Variants in RALGPS1 observed in about 807,000 individuals in gnomAD.
RALGPS1 encodes Ral GEF with PH domain and SH3 binding motif 1, also known as ras-specific guanine nucleotide-releasing factor RalGPS1.
RALGPS1 carries 19 observed loss-of-function variants against 78.8 expected under a neutral mutation model. The ratio of observed to expected loss-of-function variants is 0.24; its 90% CI spans 0.17 to 0.35. The LOEUF (loss-of-function observed/expected upper bound fraction) is 0.35, where lower values mean the gene tolerates loss of function less well. RALGPS1 is among the 10% of genes least tolerant of loss of function. The probability of loss-of-function intolerance (pLI) is 1.00; values close to 1 mark genes in which losing one functional copy is unlikely to be tolerated. For missense variants in RALGPS1, 454 were observed against 688.3 expected, an observed-to-expected ratio of 0.66 and a Z score of 3.81; for synonymous variants, 228 against 256.3, an observed-to-expected ratio of 0.89 and a Z score of 1.06.
intron 1 of RALGPS1, among the ~76,000 whole-genome samples, chr9:126,915,819 A>G (rs1010822089): frequency 6.7e-6 from 1 of 149,794 alleles, no homozygotes; most frequent in African/African-American, 2.5e-5. Flanking sequence ...TCGGTTGTTG[A>G]AAAATGTGTG....
chr9:127,182,641 C>T (rs2140185809), intron 11 of RALGPS1, among the ~76,000 whole-genome samples: 1 of 152,184 alleles, frequency 6.6e-6, no homozygotes, highest in African/African-American at 2.4e-5. Flanking sequence ...GTTGGCCAGG[C>T]TGCTCTTGAA....
intron 10 of RALGPS1, among the ~76,000 whole-genome samples, chr9:127,174,079 G>A (rs2059706962): frequency 6.6e-6 from 1 of 151,898 alleles, no homozygotes; most frequent in Non-Finnish European, 1.5e-5. Flanking sequence ...GGCCAACATG[G>A]TGGAACCCCG....
At chr9:126,977,049 A>G (rs913286974) in intron 3 of RALGPS1, among the ~76,000 whole-genome samples, 5 of 152,226 alleles carry the variant, frequency 3.3e-5, no homozygotes, top group Non-Finnish European at 7.3e-5. Flanking sequence ...CTTAAAATGT[A>G]TATAATGGAA....
At chr9:126,966,285 G>A (rs937052045) in intron 3 of RALGPS1, among the ~76,000 whole-genome samples, 1 of 152,186 alleles carries the variant, frequency 6.6e-6, no homozygotes, top group Non-Finnish European at 1.5e-5. Context: ...GTGGGAGGCT[G>A]AGGTAGGAGG....
intron 4 of RALGPS1, chr9:126,989,940 T>G (rs2042133452): frequency 6.4e-6 from 10 of 1,550,418 alleles, no homozygotes; most frequent in Non-Finnish European, 7.8e-6. Flanking sequence ...AGTCCACAGT[T>G]TCCTCCAGGC....
chr9:127,011,691 A>G (rs1030297728), intron 4 of RALGPS1, among the ~76,000 whole-genome samples: 7 of 152,246 alleles, frequency 4.6e-5, no homozygotes, highest in Admixed American at 4.6e-4. Context: ...TCACCCTAAG[A>G]AATTTAAAAA....
chr9:127,135,712 A>G (rs1400555570), intron 8 of RALGPS1, among the ~76,000 whole-genome samples: 1 of 152,176 alleles, frequency 6.6e-6, no homozygotes, highest in Non-Finnish European at 1.5e-5. Flanking sequence ...GAGTCTGTGA[A>G]GGCGGTAGGG....
intron 2 of RALGPS1, among the ~76,000 whole-genome samples, 180 bp from the exon 3 acceptor site, chr9:126,965,662 TAA>T (rs2039412590): frequency 6.6e-6 from 1 of 152,208 alleles, no homozygotes; most frequent in Admixed American, 6.5e-5. Flanking sequence ...GAGAAGGAAA[TAA>T]GATCATACAC....
intron 4 of RALGPS1, among the ~76,000 whole-genome samples, chr9:127,023,754 G>A (rs2134254032): frequency 6.6e-6 from 1 of 152,272 alleles, no homozygotes; most frequent in Non-Finnish European, 1.5e-5. Flanking sequence ...ACAGAAACAG[G>A]GCTGGGCGCG....
rs200901476 is a variant in RALGPS1 at position 127,212,586 on chromosome 9, C to G, written c.1354-41C>G. On this transcript the variant is annotated intron_variant, in intron 15 of 18. Coordinates refer to ENST00000259351, the MANE Select transcript of RALGPS1 (RefSeq NM_014636.3). The surrounding 1 kb of genome is among the most constrained non-coding windows in gnomAD (Gnocchi z 6.0). ...ATCGGCCAGGGATCCTCTACCCCCA[C>G]GACCCCTGGTGGCATCACTCAGCCT... 11 of 1,434,134 alleles carry G rather than the reference C, an allele frequency of 7.7e-6. No homozygotes were observed. Among genetic ancestry groups the G allele is most frequent in the Non-Finnish European group, 9.7e-6 (10 of 1,028,812 alleles). 88.8% of individuals were successfully genotyped at this position (1,434,134 alleles called of 1,614,324 possible).
chr9:127,146,198 G>A (rs1368517946), intron 8 of RALGPS1, among the ~76,000 whole-genome samples: 1 of 152,162 alleles, frequency 6.6e-6, no homozygotes, highest in Non-Finnish European at 1.5e-5. Flanking sequence ...CTACCTAATA[G>A]GTAGTTTTTC....
chr9:127,029,066 A>G (rs1589107421), intron 4 of RALGPS1, among the ~76,000 whole-genome samples: 1 of 151,974 alleles, frequency 6.6e-6, no homozygotes, highest in East Asian at 1.9e-4. Context: ...GACATCATGC[A>G]CCTTTGCTAC....
intron 7 of RALGPS1, among the ~76,000 whole-genome samples, chr9:127,068,235 A>G (rs548739305): frequency 5.6e-4 from 86 of 152,268 alleles, no homozygotes; most frequent in African/African-American, 2.0e-3. Context: ...GACACAGTTG[A>G]CTGTAGGGGA....
intron 8 of RALGPS1, among the ~76,000 whole-genome samples, chr9:127,079,170 G>A (rs1424478015): frequency 6.6e-6 from 1 of 152,196 alleles, no homozygotes; most frequent in Non-Finnish European, 1.5e-5. Context: ...GTGGAACAAG[G>A]AGACTTCCTG....
intron 7 of RALGPS1, among the ~76,000 whole-genome samples, chr9:127,061,609 C>G (rs964388729): frequency 6.6e-6 from 1 of 152,234 alleles, no homozygotes; most frequent in Admixed American, 6.5e-5. Flanking sequence ...TGCCCACCTC[C>G]AGGCCCGTGC....
chr9:127,055,178 C>T (rs1402616619), intron 7 of RALGPS1, among the ~76,000 whole-genome samples: 1 of 150,934 alleles, frequency 6.6e-6, no homozygotes, highest in East Asian at 1.9e-4. Context: ...AAGCATGTGG[C>T]AGGCACTGCC....
chr9:127,129,113 G>A (rs1216511763), intron 8 of RALGPS1, among the ~76,000 whole-genome samples: 1 of 152,174 alleles, frequency 6.6e-6, no homozygotes, highest in Non-Finnish European at 1.5e-5. Context: ...AAGACAATTT[G>A]CTGAGAATTT....
chr9:127,034,604 A>AGCT (rs1291607150), intron 5 of RALGPS1, 90 bp downstream of exon 5: 1 of 1,167,824 alleles, frequency 8.6e-7, no homozygotes, highest in South Asian at 1.2e-5. Flanking sequence ...GCTGTCTCCC[A>AGCT]GGCTCCCAGC....
At chr9:126,961,520 A>G (rs919052854) in intron 1 of RALGPS1, among the ~76,000 whole-genome samples, 1 of 152,188 alleles carries the variant, frequency 6.6e-6, no homozygotes. Flanking sequence ...AAGAAAAATC[A>G]AGGCTGGATG....
Sources: allele counts gnomAD v4.1 joint callset (sites outside exome capture counted in the v4.1 genomes callset), GRCh38; gene constraint gnomAD v4.1.1; non-coding constraint Gnocchi (gnomAD v3.1); transcripts MANE v1.5; gene names NCBI Gene and HGNC (gene_info 2026-07-23, HGNC 2026-07-21).